RNF157: variants seen among roughly 807,000 people sequenced by gnomAD.
RNF157 encodes the protein ring finger protein 157, also known as E3 ubiquitin ligase RNF157.
Under a neutral mutation model 88.3 loss-of-function variants are expected in RNF157, and 55 were observed. That is an observed-to-expected ratio of 0.62 (90% CI 0.50 to 0.78). The LOEUF (loss-of-function observed/expected upper bound fraction) is 0.78, where lower values mean the gene tolerates loss of function less well. Among genes scored for constraint, RNF157 ranks in the 30% least tolerant of loss-of-function variants. The pLI, the probability that RNF157 is intolerant of heterozygous loss-of-function variation, is 0.00. For synonymous variants in RNF157, 334 were observed against 341.2 expected (o/e 0.98, Z 0.23); for missense variants, 788 against 860.8 (o/e 0.92, Z 1.06).
rs571366592 is a variant in RNF157 at position 76,172,634 on chromosome 17, G to T, written c.296+1068C>A. ...AAAAAAAAAAAAAAAAAAAAAAAAA[G>T]GCGAGACTCTGTCTCAAATATATAT... On this transcript the variant is annotated intron_variant, in intron 3 of 18. Transcript: ENST00000269391. 7.9e-4 allele frequency among the ~76,000 whole-genome samples: 85 copies of T among 107,016 alleles called. 1 individual carries two copies. The South Asian group carries it at 0.022, about 28-fold the overall frequency. 70.2% of individuals were successfully genotyped at this position (107,016 alleles called of 152,430 possible). A position where few individuals can be genotyped will look rare whatever the true frequency, so the allele number is the denominator to read the frequency against.
Position 76,146,248 on chromosome 17 carries a change from TG to T in RNF157, c.1922-896del. 1.6e-6 allele frequency: 1 copy of T among 643,248 alleles called. No individual in the cohort carries two copies. The highest frequency in any genetic ancestry group is 1.9e-6 in the Non-Finnish European group (1 of 517,454). 39.8% of individuals were successfully genotyped at this position (643,248 alleles called of 1,614,324 possible). A position where few individuals can be genotyped will look rare whatever the true frequency, so the allele number is the denominator to read the frequency against. ...TGACCTTGGGCACATCAGTTTACTG[TG>T]GGCCTTGGTTTTCTCACCCATCAGA... On this transcript the variant is annotated intron_variant, in intron 18 of 18. Transcript: ENST00000269391. This position sits in a 1 kb window ranked among gnomAD's most constrained non-coding sequence, Gnocchi z 4.2.
chr17:76,213,344 C>T (rs374650065), intron 1 of RNF157, among the ~76,000 whole-genome samples: 6 of 151,818 alleles, frequency 4.0e-5, no homozygotes, highest in Non-Finnish European at 7.4e-5. Flanking sequence ...CTGAGGAGGG[C>T]GGATCACTTG....
chr17:76,151,578 C>T (rs567290155), intron 18 of RNF157, among the ~76,000 whole-genome samples: 3 of 152,328 alleles, frequency 2.0e-5, no homozygotes, highest in South Asian at 2.1e-4. Context: ...TGACTCAGTC[C>T]GCTTGGGCAA....
intron 2 of RNF157, among the ~76,000 whole-genome samples, chr17:76,185,471 C>CTCTCTTTTTTTTTTTTTTT (rs1214764584): frequency 2.8e-5 from 4 of 144,368 alleles, no homozygotes; most frequent in African/African-American, 8.2e-5. Flanking sequence ...GAGATTAGTC[C>CTCTCTTTTTTTTTTTTTTT]TTTCTTTTTT....
At chr17:76,183,565 G>A (rs543618502) in intron 2 of RNF157, among the ~76,000 whole-genome samples, 1 of 151,972 alleles carries the variant, frequency 6.6e-6, no homozygotes, top group East Asian at 2.0e-4. Flanking sequence ...GGGCTCAAGT[G>A]ATCCTCCTGC....
At chr17:76,180,798 A>G (rs914861947) in intron 2 of RNF157, among the ~76,000 whole-genome samples, 4 of 152,210 alleles carry the variant, frequency 2.6e-5, no homozygotes, top group Admixed American at 6.5e-5. Flanking sequence ...TATACAGTTC[A>G]GCGGCATTAA....
intron 2 of RNF157, among the ~76,000 whole-genome samples, chr17:76,177,313 C>A (rs36032105): frequency 9.3e-5 from 14 of 149,938 alleles, no homozygotes; most frequent in South Asian, 2.1e-4. Flanking sequence ...CTCCCACCCC[C>A]CCGCCCCAGC....
intron 1 of RNF157, among the ~76,000 whole-genome samples, chr17:76,222,396 C>T (rs1375509281): frequency 2.0e-5 from 3 of 151,586 alleles, no homozygotes; most frequent in Non-Finnish European, 4.4e-5. Flanking sequence ...TTGTGCAACA[C>T]TGTGAATGTT....
In RNF157 at chr17:76,195,434, GA is replaced by G. The variant is rs57077214; in HGVS notation, c.207+16929del. Among the ~76,000 whole-genome samples, 2 of 151,442 alleles carry G rather than the reference GA, an allele frequency of 1.3e-5. No homozygotes were observed. The highest frequency in any genetic ancestry group is 2.4e-5 in the African/African-American group (1 of 41,234). On this transcript the variant is annotated intron_variant, in intron 2 of 18. Coordinates refer to ENST00000269391, the MANE Select transcript of RNF157 (RefSeq NM_052916.3). The surrounding 1 kb of genome is among the most constrained non-coding windows in gnomAD (Gnocchi z 4.4). Reference sequence around the variant, plus strand: ...TGGACATTCTAAACACTGCTAGTGGGAAAAAAAAATTGGTAGAATCACTTTG... The same window carrying G: ...TGGACATTCTAAACACTGCTAGTGGGAAAAAAAATTGGTAGAATCACTTTG...
At chr17:76,169,863 G>A (rs893637229) in intron 3 of RNF157, among the ~76,000 whole-genome samples, 1 of 152,226 alleles carries the variant, frequency 6.6e-6, no homozygotes, top group Non-Finnish European at 1.5e-5. Flanking sequence ...TTATAGGCGT[G>A]AGCCACCGCA....
chr17:76,173,487 A>T (rs773363609), intron 3 of RNF157, among the ~76,000 whole-genome samples: 2 of 152,150 alleles, frequency 1.3e-5, no homozygotes, highest in Non-Finnish European at 2.9e-5. Context: ...AGTTTTTCAC[A>T]AACACAGACG....
At chr17:76,226,605 C>T in intron 1 of RNF157, 1 of 1,613,524 alleles carries the variant, frequency 6.2e-7, no homozygotes, top group East Asian at 2.2e-5. Context: ...GAGGGACTGA[C>T]CAACCCATCC....
At chr17:76,162,520 A>ATTTTC in intron 9 of RNF157, 32 bp downstream of exon 9, 1 of 1,544,162 alleles carries the variant, frequency 6.5e-7, no homozygotes, top group African/African-American at 1.4e-5. Context: ...CCTCCTGGAA[A>ATTTTC]GAGTACATTC....
intron 1 of RNF157, among the ~76,000 whole-genome samples, chr17:76,217,472 C>G (rs1293454712): frequency 6.6e-6 from 1 of 152,108 alleles, no homozygotes; most frequent in Non-Finnish European, 1.5e-5. Flanking sequence ...ATAAAGCTTT[C>G]TACTTGCTCA....
At position 76,180,274 on chromosome 17, in the gene RNF157, T is replaced by G. The variant is rs529639533; in HGVS notation, c.208-6484A>C. ...TTTTATAATGAAAACAGGCCTCAGA[T>G]CAAGACTCATGAACAAAGAATGAAA... is the stretch of plus-strand genomic sequence containing the variant. On this transcript the variant is annotated intron_variant, in intron 2 of 18. Transcript: ENST00000269391. Among the ~76,000 whole-genome samples, 3 of 152,282 alleles carry G rather than the reference T, an allele frequency of 2.0e-5. No individual in the cohort carries two copies. In the East Asian group the frequency reaches 5.8e-4, roughly 29 times the overall value.
chr17:76,210,517 G>A (rs890118451), intron 2 of RNF157, among the ~76,000 whole-genome samples: 2 of 139,018 alleles, frequency 1.4e-5, no homozygotes, highest in South Asian at 2.3e-4. Flanking sequence ...GTGAACCCGG[G>A]AGGCAGAGCT....
chr17:76,204,075 C>A (rs1257217384), intron 2 of RNF157, among the ~76,000 whole-genome samples: 2 of 152,130 alleles, frequency 1.3e-5, no homozygotes, highest in Non-Finnish European at 2.9e-5. Context: ...CCCATAAAAA[C>A]TTCTTAATAC....
At chr17:76,179,545 T>C (rs2069157357) in intron 2 of RNF157, among the ~76,000 whole-genome samples, 1 of 151,984 alleles carries the variant, frequency 6.6e-6, no homozygotes, top group Admixed American at 6.6e-5. Context: ...ATACAAAAAT[T>C]AGCTGGGTGT....
In RNF157 at chr17:76,147,321, G is replaced by GA. The variant is rs900430498; in HGVS notation, c.1922-1969dup. The stretch of plus-strand genomic sequence containing the variant: ...CTCCGGAGCTGCGGCTGTTCAGTAG[G>GA]AAAGACCAAAAGCAAATGGTAAACA... On this transcript the variant is annotated intron_variant, in intron 18 of 18. Coordinates refer to ENST00000269391, the MANE Select transcript of RNF157 (RefSeq NM_052916.3). 56 of 986,142 alleles carry GA rather than the reference G, an allele frequency of 5.7e-5. No individual in the cohort carries two copies. The African/African-American group carries it at 9.2e-4, about 16-fold the overall frequency. The allele number at this position is 986,142 out of a possible 1,614,324, so 61.1% of individuals were successfully genotyped here. A position where few individuals can be genotyped will look rare whatever the true frequency, so the allele number is the denominator to read the frequency against.
Sources: allele counts gnomAD v4.1 joint callset (sites outside exome capture counted in the v4.1 genomes callset), GRCh38; gene constraint gnomAD v4.1.1; non-coding constraint Gnocchi (gnomAD v3.1); transcripts MANE v1.5; gene names NCBI Gene and HGNC (gene_info 2026-07-23, HGNC 2026-07-21).